CCDC171: variants seen among roughly 807,000 people sequenced by gnomAD.
The protein encoded by CCDC171 is coiled-coil domain containing 171, also known as coiled-coil domain-containing protein 171.
CCDC171 carries 177 observed loss-of-function variants against 168.2 expected under a neutral mutation model. That is an observed-to-expected ratio of 1.05 (90% CI 0.93 to 1.19). The LOEUF is 1.19. Among genes scored for constraint, CCDC171 ranks in the 50% most tolerant of loss-of-function variants. The pLI is 0.00. For synonymous variants in CCDC171, 687 were observed against 540.8 expected, an observed-to-expected ratio of 1.27 and a Z score of -3.75; for missense variants, 1,991 against 1,539.0, an observed-to-expected ratio of 1.29 and a Z score of -4.91.
chr9:15,843,176 A>T (rs1043245063), intron 21 of CCDC171, among the ~76,000 whole-genome samples: 1 of 152,056 alleles, frequency 6.6e-6, no homozygotes, highest in Non-Finnish European at 1.5e-5. Context: ...AAGCAATGAC[A>T]TCATTATCTA....
At chr9:15,915,333 C>G (rs1264035365) in intron 24 of CCDC171, among the ~76,000 whole-genome samples, 1 of 148,074 alleles carries the variant, frequency 6.8e-6, no homozygotes, top group African/African-American at 2.5e-5. Flanking sequence ...ACTTATAGAT[C>G]TTTCCGTCTT....
At chr9:15,876,599 G>C (rs1817877780) in intron 24 of CCDC171, among the ~76,000 whole-genome samples, 1 of 151,968 alleles carries the variant, frequency 6.6e-6, no homozygotes, top group African/African-American at 2.4e-5. Context: ...TATGTTACAT[G>C]GTAAGAGTAA....
intron 8 of CCDC171, among the ~76,000 whole-genome samples, chr9:15,664,014 A>G (rs2048527691): frequency 6.6e-6 from 1 of 152,218 alleles, no homozygotes; most frequent in Non-Finnish European, 1.5e-5. Flanking sequence ...ACTCAGAAAC[A>G]GTCAAATACC....
intron 7 of CCDC171, among the ~76,000 whole-genome samples, chr9:15,645,820 T>C (rs1157929115): frequency 6.6e-6 from 1 of 152,166 alleles, no homozygotes; most frequent in East Asian, 1.9e-4. Flanking sequence ...TGGAAAACAC[T>C]CTTCAGGATA....
At chr9:15,970,918 A>G (rs979905237) in intron 25 of CCDC171, among the ~76,000 whole-genome samples, 5 of 152,180 alleles carry the variant, frequency 3.3e-5, no homozygotes, top group African/African-American at 7.2e-5. Flanking sequence ...CACCTGGCTG[A>G]TGGGATCATT....
chr9:15,715,689 G>A (rs2053028518), intron 11 of CCDC171, among the ~76,000 whole-genome samples: 1 of 151,936 alleles, frequency 6.6e-6, no homozygotes, highest in South Asian at 2.1e-4. Context: ...TCCCTTCTTG[G>A]GATCTTGTAG....
rs900862006 is a variant in CCDC171 at position 15,957,611 on chromosome 9, A to G, written c.3754-13998A>G. ...TTCTGCCCAAGCAGATAGACATTCA[A>G]CTCAAAGGAAACTTTGAAGGTTTAC... On this transcript the variant is annotated intron_variant, in intron 25 of 25. Transcript: ENST00000380701. 1.1e-4 allele frequency among the ~76,000 whole-genome samples: 17 copies of G among 152,212 alleles called. 1 individual carries two copies. The highest frequency in any genetic ancestry group is 2.9e-5 in the Non-Finnish European group (2 of 68,040).
chr9:15,866,544 A>G (rs2061795607), intron 23 of CCDC171, among the ~76,000 whole-genome samples: 2 of 152,006 alleles, frequency 1.3e-5, no homozygotes. Context: ...TATTTTTATT[A>G]AGTAGGGAGA....
chr9:15,934,929 A>G (rs997285143), intron 25 of CCDC171, among the ~76,000 whole-genome samples: 2 of 152,062 alleles, frequency 1.3e-5, no homozygotes, highest in African/African-American at 4.8e-5. Flanking sequence ...GTATGATTCC[A>G]TTTTATATGA....
intron 24 of CCDC171, among the ~76,000 whole-genome samples, chr9:15,906,878 A>T (rs1822726592): frequency 6.6e-6 from 1 of 152,076 alleles, no homozygotes; most frequent in South Asian, 2.1e-4. Context: ...ATACACCAAT[A>T]ACAGACAAGC....
chr9:15,683,777 T>C (rs1391147152), intron 10 of CCDC171, among the ~76,000 whole-genome samples: 6 of 152,050 alleles, frequency 3.9e-5, no homozygotes, highest in Admixed American at 3.9e-4. Context: ...AAAATGGTAT[T>C]GTGTATGTAT....
upstream of CCDC171, among the ~76,000 whole-genome samples, chr9:16,039,581 G>C (rs1410451): frequency 2.2e-4 from 33 of 152,056 alleles, no homozygotes; most frequent in Non-Finnish European, 4.1e-4. Flanking sequence ...GGTAGGTGGC[G>C]CTGTTCCATA....
chr9:15,573,957 T>G (rs1236197083), intron 3 of CCDC171, among the ~76,000 whole-genome samples: 1 of 152,088 alleles, frequency 6.6e-6, no homozygotes, highest in Non-Finnish European at 1.5e-5. Context: ...GTCATTAGAT[T>G]TCTCAGCAGA....
At chr9:16,064,850 C>T (rs1039704788), downstream of CCDC171, among the ~76,000 whole-genome samples, 5 of 152,144 alleles carry the variant, frequency 3.3e-5, no homozygotes, top group African/African-American at 1.2e-4. Context: ...ATTTGAGAGC[C>T]CTCGAAGTTC....
intron 25 of CCDC171, among the ~76,000 whole-genome samples, chr9:15,950,026 C>T (rs570829305): frequency 5.9e-5 from 9 of 151,660 alleles, no homozygotes; most frequent in South Asian, 2.1e-4. Flanking sequence ...GGAGTATCAG[C>T]GATGGAAGAT....
At chr9:15,560,555 C>T (rs965683929) in intron 1 of CCDC171, among the ~76,000 whole-genome samples, 14 of 152,114 alleles carry the variant, frequency 9.2e-5, no homozygotes, top group Non-Finnish European at 1.9e-4. Flanking sequence ...ACATAGTTCT[C>T]TTGCCATCGT....
chr9:15,988,874 C>T (rs1388164788), intron 3 of CCDC171, among the ~76,000 whole-genome samples: 1 of 152,052 alleles, frequency 6.6e-6, no homozygotes, highest in South Asian at 2.1e-4. Context: ...GGCAGCAGGG[C>T]TGGGGGAGGG....
intron 24 of CCDC171, among the ~76,000 whole-genome samples, chr9:15,914,833 G>A (rs1311534904): frequency 1.3e-5 from 2 of 152,176 alleles, no homozygotes; most frequent in Non-Finnish European, 2.9e-5. Context: ...GAAAAGCGTA[G>A]TATCTGTGCC....
At chr9:15,609,650 A>G (rs942935284) in intron 6 of CCDC171, among the ~76,000 whole-genome samples, 2 of 152,006 alleles carry the variant, frequency 1.3e-5, no homozygotes, top group Admixed American at 6.6e-5. Context: ...TATATCTAAG[A>G]TTTTGTTCTT....
Sources: gnomAD v4.1 joint callset for allele counts (sites outside exome capture counted in the v4.1 genomes callset) on GRCh38, gnomAD v4.1.1 for gene constraint, MANE v1.5 for transcripts, NCBI Gene and HGNC (gene_info 2026-07-23, HGNC 2026-07-21) for gene names.